EFHC2: variants seen among roughly 807,000 people sequenced by gnomAD.
The protein encoded by EFHC2 is EF-hand domain containing 2.
A neutral mutation model predicts 52.7 loss-of-function variants in EFHC2; 18 were observed. The ratio of observed to expected loss-of-function variants is 0.34; its 90% CI spans 0.24 to 0.51. The LOEUF (loss-of-function observed/expected upper bound fraction) is 0.51, where lower values mean the gene tolerates loss of function less well. Among genes scored for constraint, EFHC2 ranks in the 20% least tolerant of loss-of-function variants. The pLI is 0.97. For missense variants in EFHC2, 513 were observed against 562.5 expected (o/e 0.91, Z 0.89); for synonymous variants, 203 against 204.1 (o/e 0.99, Z 0.04).
intron 13 of EFHC2, among the ~76,000 whole-genome samples, chrX:44,171,301 G>A (rs753982788): frequency 2.2e-4 from 24 of 111,561 alleles, no homozygotes; most frequent in Non-Finnish European, 1.9e-5. Context: ...TTCTTGCTAC[G>A]GGGAATAATC....
intron 11 of EFHC2, among the ~76,000 whole-genome samples, chrX:44,189,728 CT>C (rs2036905650): frequency 9.0e-6 from 1 of 110,839 alleles, no homozygotes; most frequent in Admixed American, 9.6e-5. Flanking sequence ...GACTCTAAGC[CT>C]CTTGTTGAGT....
rs1409407909 is a variant in EFHC2, at chrX:44,148,174, A to C, written c.*621T>G. The C allele has an allele frequency of 9.0e-6, 1 of 111,034 alleles. No individual in the cohort carries two copies. The highest frequency in any genetic ancestry group is 3.3e-5 in the African/African-American group (1 of 30,482). 9.2% of individuals were successfully genotyped at this position (111,034 alleles called of 1,213,427 possible). On this transcript the variant is annotated 3_prime_UTR_variant, in exon 15 of 15. Transcript: ENST00000420999. ...AAGCTAACAAGCTGACTTTAGATAGAAAAAAGGGCATTACAAATATAAATA... is the reference window on the plus strand; with the variant it reads ...AAGCTAACAAGCTGACTTTAGATAGCAAAAAGGGCATTACAAATATAAATA...
intron 8 of EFHC2, among the ~76,000 whole-genome samples, 194 bp from the exon 9 acceptor site, chrX:44,235,641 A>G (rs1054095509): frequency 8.9e-6 from 1 of 112,893 alleles, no homozygotes; most frequent in Admixed American, 9.4e-5. Context: ...ATATTAAGAT[A>G]TCTCTGATTC....
At position 44,148,156 on chromosome X, in the gene EFHC2, C is replaced by G. The variant is rs2036536489; in HGVS notation, c.*639G>C. On this transcript the variant is annotated 3_prime_UTR_variant, in exon 15 of 15. Transcript: ENST00000420999. Reference sequence around the variant, plus strand: ...ACACATGCATATATTCCTAAGCTAACAAGCTGACTTTAGATAGAAAAAAGG... The same window carrying G: ...ACACATGCATATATTCCTAAGCTAAGAAGCTGACTTTAGATAGAAAAAAGG... The G allele has an allele frequency of 2.7e-5, 3 of 110,351 alleles. No individual in the cohort carries two copies. The highest frequency in any genetic ancestry group is 3.8e-5 in the Non-Finnish European group (2 of 52,830). The allele number at this position is 110,351 out of a possible 1,213,427, so 9.1% of individuals were successfully genotyped here.
Position 44,148,612 on chromosome X carries a change from G to A in EFHC2, c.*183C>T, listed in dbSNP as rs1422356611. The stretch of plus-strand genomic sequence containing the variant: ...ATGGCATTTTAAATAGTAACAGTAC[G>A]TCGGCAATGTAACATGATGTTCTGT... On this transcript the variant is annotated 3_prime_UTR_variant, in exon 15 of 15. Coordinates refer to ENST00000420999, the MANE Select transcript of EFHC2 (RefSeq NM_025184.4). 5 of 395,010 alleles carry A rather than the reference G, an allele frequency of 1.3e-5. No individual in the cohort carries two copies. The highest frequency in any genetic ancestry group is 4.7e-5 in the South Asian group (1 of 21,391). The allele number at this position is 395,010 out of a possible 1,213,427, so 32.6% of individuals were successfully genotyped here. A position where few individuals can be genotyped will look rare whatever the true frequency, so the allele number is the denominator to read the frequency against.
intron 2 of EFHC2, among the ~76,000 whole-genome samples, chrX:44,274,374 T>C (rs1014366616): frequency 8.9e-6 from 1 of 112,318 alleles, no homozygotes; most frequent in African/African-American, 3.2e-5. Flanking sequence ...TAAGATGCTG[T>C]TGGACAAGTA....
rs774830411 is a variant in EFHC2, at chrX:44,261,110, A to G, written c.571T>C (p.Cys191Arg). 6 of 1,209,612 alleles carry G rather than the reference A, an allele frequency of 5.0e-6. No individual in the cohort carries two copies. Among genetic ancestry groups the G allele is most frequent in the Non-Finnish European group, 5.6e-6 (5 of 894,894 alleles). ...IGVKVNPPVQ[C>R]PEDPYMKIRR... ...ATCTTCATGTAAGGATCTTCTGGAC[A>G]TTGCACTGGGGGATTCACTTTGACC... is the stretch of plus-strand genomic sequence containing the variant. The change falls in exon 4 of 15, where the codon TGT (cysteine) becomes CGT (arginine). Residue 191 changes from cysteine to arginine, a missense_variant. Transcript: ENST00000420999.
At chrX:44,275,829 G>A (rs1423449864) in intron 2 of EFHC2, among the ~76,000 whole-genome samples, 2 of 107,431 alleles carry the variant, frequency 1.9e-5, no homozygotes, top group Non-Finnish European at 3.8e-5. Context: ...CAGGAGAATC[G>A]CTTGAACCCG....
At chrX:44,306,428 C>A (rs1191626837) in intron 2 of EFHC2, among the ~76,000 whole-genome samples, 1 of 111,321 alleles carries the variant, frequency 9.0e-6, no homozygotes, top group African/African-American at 3.3e-5. Context: ...CCACGAGCCC[C>A]ACCCAATAAA....
chrX:44,216,923 G>A (rs1416251753), intron 11 of EFHC2, among the ~76,000 whole-genome samples: 1 of 111,229 alleles, frequency 9.0e-6, no homozygotes, highest in East Asian at 2.8e-4. Flanking sequence ...TCAACAAAGT[G>A]AAGAGACAAG....
intron 2 of EFHC2, among the ~76,000 whole-genome samples, chrX:44,304,920 G>A (rs1057140734): frequency 9.1e-6 from 1 of 110,250 alleles, no homozygotes; most frequent in Non-Finnish European, 1.9e-5. Context: ...AATGGTAGCA[G>A]CACCTCCTGG....
intron 11 of EFHC2, among the ~76,000 whole-genome samples, chrX:44,196,256 C>T (rs1238437571): frequency 9.0e-6 from 1 of 111,523 alleles, no homozygotes; most frequent in Non-Finnish European, 1.9e-5. Flanking sequence ...ATCATGGTCT[C>T]CTATTTTGCA....
chrX:44,326,104 G>A (rs1159209078), intron 1 of EFHC2, among the ~76,000 whole-genome samples: 1 of 108,782 alleles, frequency 9.2e-6, no homozygotes, highest in African/African-American at 3.4e-5. Flanking sequence ...ATGTTGCCCA[G>A]ACTGATCTTG....
At chrX:44,181,005 G>A (rs1376557008) in intron 11 of EFHC2, among the ~76,000 whole-genome samples, 1 of 109,201 alleles carries the variant, frequency 9.2e-6, no homozygotes, top group Non-Finnish European at 1.9e-5. Context: ...GAGGCAGGAA[G>A]ATCACTTGAA....
chrX:44,315,640 C>T (rs1355792198), intron 1 of EFHC2, among the ~76,000 whole-genome samples: 6 of 110,502 alleles, frequency 5.4e-5, no homozygotes, highest in Non-Finnish European at 1.1e-4. Context: ...AAGTGTATGG[C>T]TGACTAGAGC....
intron 14 of EFHC2, among the ~76,000 whole-genome samples, chrX:44,157,753 G>T (rs1423051034): frequency 7.2e-5 from 3 of 41,739 alleles, no homozygotes. Context: ...TCCCCGCCCC[G>T]CTTGGTTCCC....
At chrX:44,169,494 G>A (rs966267084) in intron 13 of EFHC2, among the ~76,000 whole-genome samples, 2 of 110,442 alleles carry the variant, frequency 1.8e-5, no homozygotes, top group East Asian at 5.7e-4. Flanking sequence ...TTGCCAGGCT[G>A]GCCGAGAACT....
chrX:44,242,421 AAC>A, intron 7 of EFHC2, 132 bp from the exon 8 acceptor site: 1 of 695,781 alleles, frequency 1.4e-6, no homozygotes, highest in Non-Finnish European at 2.0e-6. Flanking sequence ...TTTCAAACAA[AAC>A]AGCAAAATCC....
rs372092672 is a variant in EFHC2, at chrX:44,248,815, G to A, written c.960C>T (p.Phe320=). The A allele has an allele frequency of 7.5e-5, 90 of 1,204,477 alleles. No individual in the cohort carries two copies. The highest frequency in any genetic ancestry group is 1.4e-4 in the African/African-American group (8 of 56,918). Residue 320 remains phenylalanine (F), a synonymous_variant, in exon 6 of 15, where the codon TTC becomes TTT. Coordinates refer to ENST00000420999, the MANE Select transcript of EFHC2 (RefSeq NM_025184.4). ...FIKNQADGYL[F]DRYKLGKVDQ... is the part of the protein sequence containing the mutation. ...TGAGGTTCCTTCCCTTATATCTATCGAACAGGTAGCCATCCGCTTGGTTCT... is the reference window on the plus strand; with the variant it reads ...TGAGGTTCCTTCCCTTATATCTATCAAACAGGTAGCCATCCGCTTGGTTCT...
Sources: allele counts gnomAD v4.1 joint callset (sites outside exome capture counted in the v4.1 genomes callset), GRCh38; gene constraint gnomAD v4.1.1; transcripts MANE v1.5; gene names NCBI Gene and HGNC (gene_info 2026-07-23, HGNC 2026-07-21).